PCDHA8: variants seen among roughly 807,000 people sequenced by gnomAD.
The protein encoded by PCDHA8 is protocadherin alpha-8.
In PCDHA8, 53 loss-of-function variants were observed where a neutral mutation model predicts 61.8. That is an observed-to-expected ratio of 0.86 (90% CI 0.69 to 1.08). The LOEUF is 1.08. PCDHA8 is among the 50% of genes least tolerant of loss of function. PCDHA8 has a pLI of 0.00. For missense variants in PCDHA8, 1,293 were observed against 1,245.0 expected (o/e 1.04, Z -0.58); for synonymous variants, 618 against 556.6 (o/e 1.11, Z -1.55).
chr5:140,942,197 T>C (rs2093245078), intron 1 of PCDHA8, among the ~76,000 whole-genome samples: 1 of 152,170 alleles, frequency 6.6e-6, no homozygotes, highest in African/African-American at 2.4e-5. Context: ...TAAAATACAT[T>C]TTTGAGCATA....
intron 1 of PCDHA8, among the ~76,000 whole-genome samples, chr5:140,922,064 T>C (rs2080596272): frequency 6.6e-6 from 1 of 152,054 alleles, no homozygotes; most frequent in Non-Finnish European, 1.5e-5. Flanking sequence ...AATGTAGCAA[T>C]CCCACTAAGC....
At chr5:140,997,264 A>G (rs1554255813) in intron 3 of PCDHA8, among the ~76,000 whole-genome samples, 3 of 152,154 alleles carry the variant, frequency 2.0e-5, no homozygotes. Context: ...CACTCTTCCA[A>G]ATATTTCTTG....
chr5:140,843,489 G>T lies in PCDHA8; in HGVS notation c.2168G>T (p.Cys723Phe), dbSNP rs2150361158. Residue 723 changes from cysteine (C) to phenylalanine (F), a missense_variant, in exon 1 of 4, where the codon TGC (cysteine) becomes TTC (phenylalanine). Transcript: ENST00000531613. ...LTLLLYTALR[C>F]SALPTEGGCR... ...CTGCTGCTGTACACTGCGCTGCGGT[G>T]CTCAGCACTGCCCACTGAGGGCGGG... The T allele has an allele frequency of 1.3e-6, 2 of 1,596,080 alleles. No homozygotes were observed. The highest frequency in any genetic ancestry group is 1.7e-6 in the Non-Finnish European group (2 of 1,165,638).
chr5:140,941,214 C>CCCTTCTTTCTTTCTTTCTTTCTTT (rs2092871784), intron 1 of PCDHA8, among the ~76,000 whole-genome samples: 1 of 122,414 alleles, frequency 8.2e-6, no homozygotes, highest in Non-Finnish European at 1.7e-5. Flanking sequence ...TTTCTTTCTT[C>CCCTTCTTTCTTTCTTTCTTTCTTT]CTTTCTTTCT....
At chr5:140,863,770 G>C (rs953823411) in intron 1 of PCDHA8, 1 of 240,010 alleles carries the variant, frequency 4.2e-6, no homozygotes, top group African/African-American at 2.3e-5. Context: ...AAGCCGAGGC[G>C]GGCGGATCAC....
At chr5:140,859,230 G>A (rs1168816968) in intron 1 of PCDHA8, 2 of 149,852 alleles carry the variant, frequency 1.3e-5, no homozygotes, top group Non-Finnish European at 3.0e-5. Context: ...TAAGGAAGGA[G>A]TCATGCTTAT....
chr5:140,864,592 C>G (rs1005645849), intron 1 of PCDHA8: 6 of 152,206 alleles, frequency 3.9e-5, no homozygotes, highest in South Asian at 4.1e-4. Flanking sequence ...TCAACTACTT[C>G]AGATAGCCAA....
At chr5:140,867,805 T>C (rs1260432905) in intron 1 of PCDHA8, 1 of 152,150 alleles carries the variant, frequency 6.6e-6, no homozygotes. Flanking sequence ...GCATTTTCTA[T>C]GAAATTCCAT....
intron 1 of PCDHA8, among the ~76,000 whole-genome samples, chr5:140,872,413 G>A (rs2053647330): frequency 6.6e-6 from 1 of 151,990 alleles, no homozygotes; most frequent in Admixed American, 6.6e-5. Flanking sequence ...AATTGCTTGA[G>A]CCCAAGAGTT....
Position 140,843,223 on chromosome 5 carries a change from T to G in PCDHA8, c.1902T>G (p.Thr634=), listed in dbSNP as rs1296347203. The G allele has an allele frequency of 6.3e-7, 1 of 1,595,904 alleles. No individual in the cohort carries two copies. Among genetic ancestry groups the G allele is most frequent in the Non-Finnish European group, 8.6e-7 (1 of 1,165,610 alleles). The change falls in exon 1 of 4, where the codon ACT becomes ACG. Residue 634 remains threonine (T), a synonymous_variant. Transcript: ENST00000531613. The part of the protein sequence containing the change: ...VGLYTGEIST[T]RVLDEADSPR... ...TGTACACGGGCGAGATCAGCACCAC[T>G]CGTGTCCTGGACGAAGCGGACTCTC...
At chr5:140,986,511 C>T (rs181646630) in intron 3 of PCDHA8, among the ~76,000 whole-genome samples, 76 of 152,288 alleles carry the variant, frequency 5.0e-4, no homozygotes, top group African/African-American at 1.8e-3. Context: ...AAGGACTGCC[C>T]CTGCCTGTGA....
chr5:140,962,870 T>C (rs558640798), intron 1 of PCDHA8, among the ~76,000 whole-genome samples: 1 of 152,306 alleles, frequency 6.6e-6, no homozygotes, highest in Admixed American at 6.5e-5. Context: ...TAGAGCAACA[T>C]AAATACATGA....
At chr5:140,902,051 A>G (rs998360115) in intron 1 of PCDHA8, among the ~76,000 whole-genome samples, 2 of 152,100 alleles carry the variant, frequency 1.3e-5, no homozygotes, top group African/African-American at 4.8e-5. Context: ...TTGATTTTGT[A>G]TCCTGCAACT....
intron 2 of PCDHA8, among the ~76,000 whole-genome samples, chr5:140,980,573 T>G (rs1040024915): frequency 6.6e-6 from 1 of 152,066 alleles, no homozygotes; most frequent in Non-Finnish European, 1.5e-5. Context: ...GAAGTTGCAG[T>G]GAGCCAAGAT....
At chr5:140,905,182 A>C (rs1283931938) in intron 1 of PCDHA8, among the ~76,000 whole-genome samples, 1 of 152,172 alleles carries the variant, frequency 6.6e-6, no homozygotes. Context: ...TTTAGATTTA[A>C]GTCTTTGATC....
intron 1 of PCDHA8, among the ~76,000 whole-genome samples, chr5:140,903,405 G>A (rs2070271184): frequency 6.6e-6 from 1 of 152,184 alleles, no homozygotes; most frequent in Non-Finnish European, 1.5e-5. Flanking sequence ...CAGTAGTGCA[G>A]TCAGGAAAAA....
At chr5:140,877,443 C>G (rs376417721) in intron 1 of PCDHA8, 15 of 1,613,726 alleles carry the variant, frequency 9.3e-6, no homozygotes, top group African/African-American at 1.3e-5. Context: ...ACGGTGAGCC[C>G]GCGCTGACGT....
intron 1 of PCDHA8, among the ~76,000 whole-genome samples, chr5:140,923,834 T>G (rs2081542074): frequency 6.6e-6 from 1 of 152,210 alleles, no homozygotes; most frequent in South Asian, 2.1e-4. Flanking sequence ...AGTGGCAGTT[T>G]AAATAGAGAA....
In PCDHA8 at chr5:140,858,082, G is replaced by C; in HGVS notation, c.2394+14367G>C. 4 of 1,597,832 alleles carry C rather than the reference G, an allele frequency of 2.5e-6. 1 individual carries two copies. Among genetic ancestry groups the C allele is most frequent in the Non-Finnish European group, 3.4e-6 (4 of 1,167,698 alleles). ...AGGGCAGCCAGGCACCCAAGGCCTC[G>C]TCGCGGGCTTCAGTGGGCGTGGCGC... On this transcript the variant is annotated intron_variant, in intron 1 of 3. Transcript: ENST00000531613.
Sources: gnomAD v4.1 joint callset for allele counts (sites outside exome capture counted in the v4.1 genomes callset) on GRCh38, gnomAD v4.1.1 for gene constraint, MANE v1.5 for transcripts, NCBI Gene and HGNC (gene_info 2026-07-23, HGNC 2026-07-21) for gene names.